Variants in OSBPL8 observed in about 807,000 individuals in gnomAD.
OSBPL8 encodes the protein oxysterol-binding protein-related protein 8.
A neutral mutation model predicts 125.5 loss-of-function variants in OSBPL8; 59 were observed. The observed-to-expected ratio is 0.47, with a 90% CI of 0.38 to 0.58. The LOEUF (loss-of-function observed/expected upper bound fraction) is 0.58, where lower values mean the gene tolerates loss of function less well. Among genes scored for constraint, OSBPL8 ranks in the 20% least tolerant of loss-of-function variants. OSBPL8 has a pLI of 0.00. For missense variants in OSBPL8, 758 were observed against 1,047.8 expected, an observed-to-expected ratio of 0.72 and a Z score of 3.82; for synonymous variants, 330 against 338.9, an observed-to-expected ratio of 0.97 and a Z score of 0.29.
At chr12:76,467,722 A>G (rs528081739) in intron 2 of OSBPL8, among the ~76,000 whole-genome samples, 1 of 152,000 alleles carries the variant, frequency 6.6e-6, no homozygotes, top group Non-Finnish European at 1.5e-5. Context: ...TCATGTGTCA[A>G]CTTCTGCATC....
rs773867420 is a variant in OSBPL8, at chr12:76,402,779, A to C, written c.289-13T>G. ...GTTTAGATTCAGACTGAAATCATAC[A>C]GAAACAAGAGAAATTAAATCCTTCA... On this transcript the variant is annotated splice_polypyrimidine_tract_variant and intron_variant, in intron 5 of 23. Transcript: ENST00000261183. 1 of 1,505,784 alleles carries C rather than the reference A, an allele frequency of 6.6e-7. No homozygotes were observed. The highest frequency in any genetic ancestry group is 9.2e-7 in the Non-Finnish European group (1 of 1,091,722). 93.3% of individuals were successfully genotyped at this position (1,505,784 alleles called of 1,614,324 possible). A position where few individuals can be genotyped will look rare whatever the true frequency, so the allele number is the denominator to read the frequency against.
intron 2 of OSBPL8, among the ~76,000 whole-genome samples, chr12:76,465,950 A>G (rs1297827678): frequency 6.6e-6 from 1 of 151,214 alleles, no homozygotes; most frequent in African/African-American, 2.4e-5. Context: ...AGGTTGCAGT[A>G]AGCCGAGATC....
intron 1 of OSBPL8, among the ~76,000 whole-genome samples, chr12:76,522,026 T>G (rs1306067427): frequency 6.6e-6 from 1 of 152,188 alleles, no homozygotes; most frequent in East Asian, 1.9e-4. Flanking sequence ...GAGATCAAAC[T>G]GAGGACATAT....
intron 4 of OSBPL8, among the ~76,000 whole-genome samples, chr12:76,412,429 CAATAAA>C (rs1242214906): frequency 6.6e-6 from 1 of 151,992 alleles, no homozygotes; most frequent in South Asian, 2.1e-4. Flanking sequence ...AATTATACCT[CAATAAA>C]AATAATTTTA....
chr12:76,482,775 T>A (rs1299182359), intron 2 of OSBPL8, among the ~76,000 whole-genome samples: 1 of 152,228 alleles, frequency 6.6e-6, no homozygotes, highest in African/African-American at 2.4e-5. Context: ...GAGTGAAAAC[T>A]GTAAACTTTC....
chr12:76,509,886 A>C (rs1287928464), intron 1 of OSBPL8, among the ~76,000 whole-genome samples: 2 of 152,162 alleles, frequency 1.3e-5, no homozygotes, highest in Non-Finnish European at 2.9e-5. Context: ...AGTTACCTAA[A>C]AATATAAGGG....
At chr12:76,408,227 C>T (rs901088493) in intron 5 of OSBPL8, among the ~76,000 whole-genome samples, 29 of 150,540 alleles carry the variant, frequency 1.9e-4, no homozygotes, top group African/African-American at 5.9e-4. Context: ...TCTGGGAGGC[C>T]GAGGCGGGCA....
intron 1 of OSBPL8, among the ~76,000 whole-genome samples, chr12:76,528,679 C>A (rs1449932926): frequency 1.3e-5 from 2 of 151,988 alleles, no homozygotes; most frequent in East Asian, 3.9e-4. Context: ...GAATCACACA[C>A]ACACACACAC....
intron 1 of OSBPL8, among the ~76,000 whole-genome samples, chr12:76,494,569 T>C (rs1309703460): frequency 6.6e-6 from 1 of 152,088 alleles, no homozygotes; most frequent in Non-Finnish European, 1.5e-5. Flanking sequence ...TACATGAATT[T>C]TGAAGGTAGA....
At chr12:76,530,235 T>C (rs1029992109) in intron 1 of OSBPL8, among the ~76,000 whole-genome samples, 5 of 149,738 alleles carry the variant, frequency 3.3e-5, no homozygotes, top group Non-Finnish European at 4.4e-5. Context: ...TTTTTTTTTT[T>C]TTTTTTGTAG....
Position 76,510,942 on chromosome 12 carries a change from G to A in OSBPL8, c.-67-23324C>T, listed in dbSNP as rs560822034. On this transcript the variant is annotated intron_variant, in intron 1 of 23. Transcript: ENST00000261183. ...TATAAGAAGCACTGTTCTAGATTCC[G>A]GACATACAGAAAACAAACATCATTG... 5.3e-5 allele frequency among the ~76,000 whole-genome samples: 8 copies of A among 151,956 alleles called. No homozygotes were observed. In the East Asian group the frequency reaches 9.6e-4, roughly 18 times the overall value.
At chr12:76,400,273 T>C (rs762067874) in intron 6 of OSBPL8, among the ~76,000 whole-genome samples, 1 of 152,232 alleles carries the variant, frequency 6.6e-6, no homozygotes, top group Admixed American at 6.5e-5. Context: ...TATTGGTTTC[T>C]GAGTTAGTCT....
At chr12:76,553,229 C>T (rs528482649) in intron 1 of OSBPL8, among the ~76,000 whole-genome samples, 9 of 152,154 alleles carry the variant, frequency 5.9e-5, no homozygotes, top group Admixed American at 2.0e-4. Flanking sequence ...TGGGCCCCAG[C>T]CTTCCTTGTA....
chr12:76,449,045 G>A (rs1342274374), intron 4 of OSBPL8, among the ~76,000 whole-genome samples: 1 of 152,028 alleles, frequency 6.6e-6, no homozygotes, highest in Non-Finnish European at 1.5e-5. Flanking sequence ...AAATGATCAT[G>A]TAACTTACTA....
rs77706803 is a variant in OSBPL8, at chr12:76,491,234, C to A, written c.-67-3616G>T. On this transcript the variant is annotated intron_variant, in intron 1 of 23. Transcript: ENST00000261183. ...TACATAAATTTAGTTGATAAAACAG[C>A]GGCAGGGTTCGAGAGGATTGACTTT... 1.7e-4 allele frequency among the ~76,000 whole-genome samples: 26 copies of A among 152,264 alleles called. No individual in the cohort carries two copies. The East Asian group carries it at 4.6e-3, about 27-fold the overall frequency.
chr12:76,369,723 C>T lies in OSBPL8; in HGVS notation c.2154G>A (p.Arg718=). 1.9e-6 allele frequency: 3 copies of T among 1,613,498 alleles called. No individual in the cohort carries two copies. Among genetic ancestry groups the T allele is most frequent in the Non-Finnish European group, 2.5e-6 (3 of 1,179,676 alleles). ...VLEEAQRQAA[R]DRKTKNEEWS... is the part of the protein sequence containing the mutation. Reference sequence around the variant, plus strand: ...ACTCTTCATTTTTTGTTTTCCGATCCCTGGCAGCTTGTCTTTGAGCTTCTT... The same window carrying T: ...ACTCTTCATTTTTTGTTTTCCGATCTCTGGCAGCTTGTCTTTGAGCTTCTT... The change falls in exon 20 of 24, where the codon AGG becomes AGA. Residue 718 remains arginine, a synonymous_variant. Coordinates refer to ENST00000261183, the MANE Select transcript of OSBPL8 (RefSeq NM_020841.5).
intron 14 of OSBPL8, chr12:76,385,890 C>A: frequency 7.6e-6 from 2 of 264,444 alleles, no homozygotes; most frequent in Non-Finnish European, 6.7e-6. Context: ...GAAATATGAG[C>A]TCAGCCAAAA....
chr12:76,387,406 T>C (rs1479137152), intron 12 of OSBPL8, among the ~76,000 whole-genome samples: 1 of 152,158 alleles, frequency 6.6e-6, no homozygotes, highest in Admixed American at 6.6e-5. Context: ...ATCAACTGAT[T>C]TTCCAGAATT....
intron 2 of OSBPL8, among the ~76,000 whole-genome samples, chr12:76,483,414 A>T (rs1410812822): frequency 6.6e-6 from 1 of 151,436 alleles, no homozygotes; most frequent in Non-Finnish European, 1.5e-5. Flanking sequence ...ATACAAAAAA[A>T]TTAGCCTGGT....
Sources: allele counts gnomAD v4.1 joint callset (sites outside exome capture counted in the v4.1 genomes callset), GRCh38; gene constraint gnomAD v4.1.1; transcripts MANE v1.5; gene names NCBI Gene and HGNC (gene_info 2026-07-23, HGNC 2026-07-21).